Variants in DNAH7 observed in about 807,000 individuals in gnomAD.
The protein encoded by DNAH7 is dynein axonemal heavy chain 7.
Under a neutral mutation model 444.6 loss-of-function variants are expected in DNAH7, and 397 were observed. The observed-to-expected ratio is 0.89, with a 90% CI of 0.82 to 0.97. The LOEUF is 0.97. Ranked by LOEUF, DNAH7 falls within the 50% of genes least tolerant of loss-of-function variation. The pLI is 0.00. For synonymous variants in DNAH7, 1,636 were observed against 1,624.4 expected (o/e 1.01, Z -0.17); for missense variants, 4,902 against 4,800.8 (o/e 1.02, Z -0.62).
At chr2:196,054,934 G>C (rs1205129698) in intron 2 of DNAH7, among the ~76,000 whole-genome samples, 2 of 152,210 alleles carry the variant, frequency 1.3e-5, no homozygotes, top group African/African-American at 2.4e-5. Context: ...GTGGAACTGT[G>C]AGTCAACTAA....
intron 1 of DNAH7, among the ~76,000 whole-genome samples, chr2:196,059,394 G>A (rs1698011616): frequency 2.0e-5 from 3 of 152,306 alleles, no homozygotes; most frequent in South Asian, 4.1e-4. Context: ...TATGAGTTGT[G>A]CTTCTGGCCA....
chr2:195,971,771 TC>T (rs1272252120), intron 16 of DNAH7, among the ~76,000 whole-genome samples: 1 of 151,100 alleles, frequency 6.6e-6, no homozygotes, highest in African/African-American at 2.4e-5. Context: ...GACTGCCCCC[TC>T]CCCCCCAAGA....
intron 18 of DNAH7, among the ~76,000 whole-genome samples, chr2:195,957,755 G>C (rs1281340767): frequency 6.6e-6 from 1 of 151,730 alleles, no homozygotes; most frequent in East Asian, 1.9e-4. Context: ...TATGTTTAAA[G>C]ATAATAATAT....
At chr2:195,788,449 T>A (rs1256624878) in intron 57 of DNAH7, among the ~76,000 whole-genome samples, 1 of 152,210 alleles carries the variant, frequency 6.6e-6, no homozygotes, top group Non-Finnish European at 1.5e-5. Context: ...AGGCTGGCTT[T>A]ACAATTTAAA....
At chr2:195,744,628 A>C (rs1260483450) in intron 63 of DNAH7, among the ~76,000 whole-genome samples, 1 of 152,148 alleles carries the variant, frequency 6.6e-6, no homozygotes, top group Admixed American at 6.5e-5. Flanking sequence ...CTGACACCTC[A>C]CACGGCCGGG....
At chr2:195,899,497 CAACA>C (rs899674158) in intron 28 of DNAH7, among the ~76,000 whole-genome samples, 23 of 152,080 alleles carry the variant, frequency 1.5e-4, no homozygotes, top group African/African-American at 2.9e-4. Flanking sequence ...TTGTTTATTG[CAACA>C]AACAATGACC....
At chr2:195,990,563 G>A (rs1693229849) in intron 12 of DNAH7, among the ~76,000 whole-genome samples, 1 of 151,918 alleles carries the variant, frequency 6.6e-6, no homozygotes, top group African/African-American at 2.4e-5. Context: ...GGGCACTGAG[G>A]TGAGAGAATC....
intron 47 of DNAH7, among the ~76,000 whole-genome samples, chr2:195,841,286 T>C (rs761551237): frequency 2.0e-5 from 3 of 151,528 alleles, no homozygotes; most frequent in Non-Finnish European, 4.4e-5. Context: ...TCTTTCCCCA[T>C]ATATGGATGT....
intron 60 of DNAH7, among the ~76,000 whole-genome samples, chr2:195,775,461 A>C (rs1159586832): frequency 4.6e-5 from 7 of 152,172 alleles, no homozygotes; most frequent in African/African-American, 1.7e-4. Context: ...AAAATAGGTA[A>C]AATTTTAGAT....
chr2:195,756,361 T>G, intron 61 of DNAH7, 76 bp from the exon 62 acceptor site: 1 of 1,230,032 alleles, frequency 8.1e-7, no homozygotes, highest in Non-Finnish European at 1.1e-6. Flanking sequence ...TTTAAATACC[T>G]CCTTCATGAT....
intron 9 of DNAH7, among the ~76,000 whole-genome samples, chr2:196,013,428 T>C (rs1040214801): frequency 2.0e-5 from 3 of 152,168 alleles, no homozygotes; most frequent in Non-Finnish European, 2.9e-5. Flanking sequence ...ACAATCCTTC[T>C]TTTGACTACA....
At chr2:196,029,474 A>G (rs1318092735) in intron 5 of DNAH7, among the ~76,000 whole-genome samples, 1 of 152,064 alleles carries the variant, frequency 6.6e-6, no homozygotes, top group Non-Finnish European at 1.5e-5. Flanking sequence ...CTAAAACTCC[A>G]TGATTCTATC....
intron 63 of DNAH7, among the ~76,000 whole-genome samples, chr2:195,746,083 G>A (rs1018031737): frequency 5.3e-5 from 8 of 152,308 alleles, no homozygotes; most frequent in Admixed American, 3.9e-4. Flanking sequence ...AGACCCATCA[G>A]TGTGCTGTAT....
chr2:195,883,452 C>CCT (rs150441620), intron 35 of DNAH7, among the ~76,000 whole-genome samples: 1 of 133,518 alleles, frequency 7.5e-6, no homozygotes, highest in Non-Finnish European at 1.6e-5. Context: ...AGTCCCCGCT[C>CCT]CCCCCCCCCA....
rs1360518180 is a variant in DNAH7 at position 195,959,719 on chromosome 2, T to A, written c.2891+541A>T. 2.0e-5 allele frequency among the ~76,000 whole-genome samples: 3 copies of A among 152,208 alleles called. No individual in the cohort carries two copies. In the East Asian group the frequency reaches 5.8e-4, roughly 29 times the overall value. On this transcript the variant is annotated intron_variant, in intron 18 of 64. Coordinates refer to ENST00000312428, the MANE Select transcript of DNAH7 (RefSeq NM_018897.3). The stretch of plus-strand genomic sequence containing the variant: ...GGAAACATTGACAGACAGCTAGGCT[T>A]ACTTTAATTGGCTGTGTATGATACT...
chr2:195,759,716 G>A (rs1030638788), intron 61 of DNAH7, among the ~76,000 whole-genome samples: 1 of 152,106 alleles, frequency 6.6e-6, no homozygotes, highest in African/African-American at 2.4e-5. Flanking sequence ...CTGGGTGTTG[G>A]TGGTGCAGGT....
chr2:195,989,760 A>C (rs1693173677), intron 12 of DNAH7, among the ~76,000 whole-genome samples: 1 of 152,012 alleles, frequency 6.6e-6, no homozygotes, highest in African/African-American at 2.4e-5. Flanking sequence ...GGTCATTTAA[A>C]AGTGTGTGGT....
At chr2:195,941,073 G>A (rs989242531) in intron 19 of DNAH7, among the ~76,000 whole-genome samples, 1 of 152,036 alleles carries the variant, frequency 6.6e-6, no homozygotes, top group East Asian at 1.9e-4. Context: ...ACAAGCACAC[G>A]TATGTTTATT....
chr2:195,836,884 T>C (rs1008494489), intron 47 of DNAH7, among the ~76,000 whole-genome samples: 1 of 152,196 alleles, frequency 6.6e-6, no homozygotes, highest in African/African-American at 2.4e-5. Context: ...TCCTGTTTAT[T>C]TGTCCAAAAT....
Sources: allele counts gnomAD v4.1 joint callset (sites outside exome capture counted in the v4.1 genomes callset), GRCh38; gene constraint gnomAD v4.1.1; transcripts MANE v1.5; gene names NCBI Gene and HGNC (gene_info 2026-07-23, HGNC 2026-07-21).